Variants in RPS6KA2 observed in about 807,000 individuals in gnomAD.
RPS6KA2 encodes ribosomal protein S6 kinase A2, also known as ribosomal protein S6 kinase alpha-2.
In RPS6KA2, 42 loss-of-function variants were observed where a neutral mutation model predicts 91.8. The ratio of observed to expected loss-of-function variants is 0.46; its 90% CI spans 0.36 to 0.59. The LOEUF (loss-of-function observed/expected upper bound fraction) is 0.59, where lower values mean the gene tolerates loss of function less well. Among genes scored for constraint, RPS6KA2 ranks in the 20% least tolerant of loss-of-function variants. The probability of loss-of-function intolerance (pLI) is 0.00; values close to 1 mark genes in which losing one functional copy is unlikely to be tolerated. For synonymous variants in RPS6KA2, 414 were observed against 393.6 expected (o/e 1.05, Z -0.61); for missense variants, 798 against 978.5 (o/e 0.82, Z 2.46).
At chr6:166,687,758 C>T (rs1045847258) in intron 2 of RPS6KA2, among the ~76,000 whole-genome samples, 1 of 152,230 alleles carries the variant, frequency 6.6e-6, no homozygotes, top group Non-Finnish European at 1.5e-5. Flanking sequence ...CGCAGCATTG[C>T]GTCGGCGGCT....
At chr6:166,762,673 A>G (rs1778209472) in intron 2 of RPS6KA2, among the ~76,000 whole-genome samples, 1 of 152,158 alleles carries the variant, frequency 6.6e-6, no homozygotes. Flanking sequence ...GTTCACAGGT[A>G]AATAAATCAA....
chr6:166,685,937 A>G (rs1309567172), intron 2 of RPS6KA2, among the ~76,000 whole-genome samples: 1 of 152,188 alleles, frequency 6.6e-6, no homozygotes, highest in Non-Finnish European at 1.5e-5. Flanking sequence ...CGATGGGCCC[A>G]TGCCCTAGGA....
At chr6:166,479,345 G>A (rs1781101520) in intron 10 of RPS6KA2, among the ~76,000 whole-genome samples, 1 of 152,260 alleles carries the variant, frequency 6.6e-6, no homozygotes, top group African/African-American at 2.4e-5. Context: ...CAAGAGCCAT[G>A]AGAAAGGGGC....
intron 14 of RPS6KA2, among the ~76,000 whole-genome samples, chr6:166,444,929 C>T (rs1185048949): frequency 6.6e-6 from 1 of 152,184 alleles, no homozygotes; most frequent in African/African-American, 2.4e-5. Flanking sequence ...GTTAAAAATG[C>T]AGCTGAAAAT....
intron 3 of RPS6KA2, among the ~76,000 whole-genome samples, chr6:166,527,237 T>G (rs1188585431): frequency 6.6e-6 from 1 of 152,212 alleles, no homozygotes; most frequent in Non-Finnish European, 1.5e-5. Flanking sequence ...TTTGCCTCCC[T>G]TTCCTTCAGT....
In RPS6KA2 at chr6:166,554,569, G is replaced by A. The variant is rs1282004132; in HGVS notation, c.100-15785C>T. On this transcript the variant is annotated intron_variant, in intron 1 of 20. Coordinates refer to ENST00000265678, the MANE Select transcript of RPS6KA2 (RefSeq NM_021135.6). The surrounding 1 kb of genome is among the most constrained non-coding windows in gnomAD (Gnocchi z 4.3). ...TCAGGGACAAAACCTAAGTCACGAG[G>A]TCTGATGCGATGTGAGAACTCGCGG... Among the ~76,000 whole-genome samples the A allele has an allele frequency of 6.6e-6, 1 of 152,214 alleles. No homozygotes were observed. Among genetic ancestry groups the A allele is most frequent in the African/African-American group, 2.4e-5 (1 of 41,454 alleles).
In RPS6KA2 at chr6:166,437,656, A is replaced by G. The variant is rs115001324; in HGVS notation, c.1333-5166T>C. Reference sequence around the variant, plus strand: ...CACCTTCCTTAGAGATGCTGAGTCTAGGGGTCTGAATATCCACGAAGCAAT... The same window carrying G: ...CACCTTCCTTAGAGATGCTGAGTCTGGGGGTCTGAATATCCACGAAGCAAT... On this transcript the variant is annotated intron_variant, in intron 14 of 20. Transcript: ENST00000265678. The surrounding 1 kb of genome is among the most constrained non-coding windows in gnomAD (Gnocchi z 4.3). 6.6e-6 allele frequency among the ~76,000 whole-genome samples: 1 copy of G among 152,184 alleles called. No homozygotes were observed.
At chr6:166,638,551 T>C (rs900696811) in intron 2 of RPS6KA2, among the ~76,000 whole-genome samples, 14 of 151,868 alleles carry the variant, frequency 9.2e-5, no homozygotes, top group Non-Finnish European at 1.6e-4. Flanking sequence ...GAAAGACGGA[T>C]CTAAAAACGA....
At chr6:166,746,748 C>A (rs997981457) in intron 2 of RPS6KA2, among the ~76,000 whole-genome samples, 21 of 152,124 alleles carry the variant, frequency 1.4e-4, no homozygotes, top group African/African-American at 4.6e-4. Context: ...CTAATTTCAA[C>A]TAAATAGGGG....
In RPS6KA2 at chr6:166,612,386, T is replaced by C. The variant is rs1786214594; in HGVS notation, c.99+14535A>G. Among the ~76,000 whole-genome samples, 1 of 152,150 alleles carries C rather than the reference T, an allele frequency of 6.6e-6. No homozygotes were observed. Among genetic ancestry groups the C allele is most frequent in the South Asian group, 2.1e-4 (1 of 4,824 alleles). On this transcript the variant is annotated intron_variant, in intron 1 of 20. Coordinates refer to ENST00000265678, the MANE Select transcript of RPS6KA2 (RefSeq NM_021135.6). This position sits in a 1 kb window ranked among gnomAD's most constrained non-coding sequence, Gnocchi z 4.3. ...TGGTGCATGAGTGAAACTCTGAATT[T>C]GTAGTTTTCCTTAGGAGAAAGATGG...
chr6:166,749,768 CCCCCATTTCCTCAGGT>C (rs1388479098), intron 2 of RPS6KA2, among the ~76,000 whole-genome samples: 3 of 140,738 alleles, frequency 2.1e-5, no homozygotes, highest in Non-Finnish European at 3.1e-5. Context: ...TCTCCTCAGG[CCCCCATTTCCTCAGGT>C]CCCCATCTCC....
At chr6:166,779,679 G>A (rs909300443) in intron 2 of RPS6KA2, among the ~76,000 whole-genome samples, 3 of 152,178 alleles carry the variant, frequency 2.0e-5, no homozygotes, top group South Asian at 2.1e-4. Context: ...TTAGGTGAGC[G>A]GCCAGGGTGT....
chr6:166,627,836 TTTAA>T (rs1245673567), upstream of RPS6KA2: 1 of 152,264 alleles, frequency 6.6e-6, no homozygotes, highest in East Asian at 1.9e-4. Context: ...CGAACCAAAC[TTTAA>T]TTGTTGATCA....
At chr6:166,843,580 G>A (rs558249819) in intron 2 of RPS6KA2, among the ~76,000 whole-genome samples, 40 of 152,294 alleles carry the variant, frequency 2.6e-4, no homozygotes, top group East Asian at 7.7e-4. Flanking sequence ...ACGTGAAGAC[G>A]GATCACATCA....
At chr6:166,811,634 A>G (rs554994198) in intron 2 of RPS6KA2, among the ~76,000 whole-genome samples, 2 of 152,358 alleles carry the variant, frequency 1.3e-5, no homozygotes, top group East Asian at 3.9e-4. Flanking sequence ...AGAAAAAACA[A>G]AATAAAAATA....
chr6:166,651,161 T>C (rs1787843447), intron 2 of RPS6KA2, among the ~76,000 whole-genome samples: 1 of 152,200 alleles, frequency 6.6e-6, no homozygotes, highest in Non-Finnish European at 1.5e-5. Context: ...TTTCTTGGTT[T>C]AAAATTGGTA....
intron 1 of RPS6KA2, among the ~76,000 whole-genome samples, chr6:166,622,599 T>C (rs1422165841): frequency 1.3e-5 from 2 of 152,228 alleles, no homozygotes; most frequent in Non-Finnish European, 2.9e-5. Context: ...TGGTAAACTT[T>C]CCAGGAAGCT....
At chr6:166,629,094 C>A (rs137937006), upstream of RPS6KA2, among the ~76,000 whole-genome samples, 13 of 152,352 alleles carry the variant, frequency 8.5e-5, no homozygotes, top group Non-Finnish European at 1.8e-4. Context: ...TGGCTCTAGG[C>A]AAACACAAAG....
chr6:166,436,070 C>T (rs114420477), intron 14 of RPS6KA2, among the ~76,000 whole-genome samples: 1 of 152,288 alleles, frequency 6.6e-6, no homozygotes, highest in African/African-American at 2.4e-5. Flanking sequence ...ATGAATCGAT[C>T]CCTTCATACT....
Sources: gnomAD v4.1 joint callset for allele counts (sites outside exome capture counted in the v4.1 genomes callset) on GRCh38, gnomAD v4.1.1 for gene constraint, Gnocchi (gnomAD v3.1) non-coding constraint, MANE v1.5 for transcripts, NCBI Gene and HGNC (gene_info 2026-07-23, HGNC 2026-07-21) for gene names.